The following DYM variants were observed in gnomAD, a reference collection of about 807,000 sequenced individuals.
DYM encodes dyggve-Melchior-Clausen syndrome protein.
DYM carries 78 observed loss-of-function variants against 93.1 expected under a neutral mutation model. The observed-to-expected ratio is 0.84, with a 90% confidence interval of 0.70 to 1.01. DYM has a LOEUF of 1.01. Ranked by LOEUF, DYM falls within the 50% of genes least tolerant of loss-of-function variation. The pLI is 0.00. For synonymous variants in DYM, 321 were observed against 319.7 expected, an observed-to-expected ratio of 1.00 and a Z score of -0.04; for missense variants, 789 against 845.0, an observed-to-expected ratio of 0.93 and a Z score of 0.82.
intron 1 of DYM, among the ~76,000 whole-genome samples, chr18:49,435,861 A>G (rs1166895309): frequency 6.6e-6 from 1 of 152,182 alleles, no homozygotes; most frequent in Non-Finnish European, 1.5e-5. Context: ...TCAGACTAAT[A>G]GGTACTTTCT....
At chr18:49,195,624 C>A (rs1324339698) in intron 14 of DYM, among the ~76,000 whole-genome samples, 1 of 152,148 alleles carries the variant, frequency 6.6e-6, no homozygotes, top group Non-Finnish European at 1.5e-5. Context: ...AAGCACCCTA[C>A]CCACTCAACA....
At chr18:49,357,097 T>C (rs976373129) in intron 6 of DYM, among the ~76,000 whole-genome samples, 1 of 152,220 alleles carries the variant, frequency 6.6e-6, no homozygotes, top group African/African-American at 2.4e-5. Flanking sequence ...ACATTATTCA[T>C]ACCTAAGAAG....
intron 14 of DYM, among the ~76,000 whole-genome samples, chr18:49,180,091 T>C (rs538551564): frequency 4.1e-4 from 63 of 152,264 alleles, no homozygotes; most frequent in Middle Eastern, 6.8e-3. Flanking sequence ...TCTAGTCTGA[T>C]AACAATGCTA....
chr18:49,059,153 G>A (rs1234588322), intron 17 of DYM, among the ~76,000 whole-genome samples: 1 of 152,176 alleles, frequency 6.6e-6, no homozygotes, highest in Non-Finnish European at 1.5e-5. Flanking sequence ...AGGATTATTA[G>A]TGTCCTTATA....
At chr18:49,291,509 C>G (rs1175474007) in intron 8 of DYM, among the ~76,000 whole-genome samples, 1 of 152,118 alleles carries the variant, frequency 6.6e-6, no homozygotes, top group Non-Finnish European at 1.5e-5. Context: ...GTCCCCATCC[C>G]TAAATTTCGA....
intron 2 of DYM, among the ~76,000 whole-genome samples, chr18:49,392,386 A>C (rs1327668902): frequency 2.6e-5 from 4 of 152,208 alleles, no homozygotes; most frequent in East Asian, 1.9e-4. Flanking sequence ...GGATCAAAGG[A>C]TACTATCTAC....
At chr18:49,154,862 TC>T (rs1250295472) in intron 15 of DYM, among the ~76,000 whole-genome samples, 6 of 152,196 alleles carry the variant, frequency 3.9e-5, no homozygotes, top group African/African-American at 1.4e-4. Flanking sequence ...TCAGTCTGAC[TC>T]CCCAGAAGTA....
chr18:49,257,403 T>A (rs1037495290), intron 12 of DYM, among the ~76,000 whole-genome samples: 7 of 152,202 alleles, frequency 4.6e-5, no homozygotes, highest in African/African-American at 1.7e-4. Context: ...AAGGCCCTAA[T>A]GGTTACACAT....
intron 17 of DYM, among the ~76,000 whole-genome samples, chr18:49,050,635 A>AT (rs2072306696): frequency 6.6e-6 from 1 of 152,012 alleles, no homozygotes; most frequent in African/African-American, 2.4e-5. Flanking sequence ...TGAAGTTCAC[A>AT]GACAGCCCAG....
chr18:49,261,883 T>C (rs2094496095), intron 11 of DYM, among the ~76,000 whole-genome samples: 1 of 152,136 alleles, frequency 6.6e-6, no homozygotes. Flanking sequence ...CCATTTCAAT[T>C]ACTTTATCTG....
At chr18:49,443,569 G>A (rs80166372) in intron 1 of DYM, among the ~76,000 whole-genome samples, 12,184 of 152,186 alleles carry the variant, frequency 0.08, 613 homozygotes, top group East Asian at 0.18. Context: ...AAAGCATCAC[G>A]AAGCTGTGCC....
chr18:49,114,998 C>G (rs2081794052), intron 16 of DYM, among the ~76,000 whole-genome samples: 1 of 152,160 alleles, frequency 6.6e-6, no homozygotes, highest in Non-Finnish European at 1.5e-5. Flanking sequence ...AAACAAAGGC[C>G]TTATCATCAA....
intron 14 of DYM, among the ~76,000 whole-genome samples, chr18:49,187,457 C>A (rs2090558338): frequency 6.6e-6 from 1 of 152,128 alleles, no homozygotes; most frequent in South Asian, 2.1e-4. Context: ...GTATAATGAG[C>A]TAAGGCATTA....
At chr18:49,321,118 CA>C (rs1331602893) in intron 8 of DYM, 1 of 346,734 alleles carries the variant, frequency 2.9e-6, no homozygotes, top group Non-Finnish European at 5.1e-6. Flanking sequence ...TTTATAGTCT[CA>C]AAAAATAGAA....
chr18:49,324,370 A>C (rs1464073419), intron 8 of DYM, among the ~76,000 whole-genome samples: 1 of 152,226 alleles, frequency 6.6e-6, no homozygotes, highest in Non-Finnish European at 1.5e-5. Flanking sequence ...TTTTATAAAC[A>C]AACTGTCAAG....
intron 3 of DYM, among the ~76,000 whole-genome samples, chr18:49,388,759 T>G (rs1206574337): frequency 6.6e-6 from 1 of 151,840 alleles, no homozygotes; most frequent in Non-Finnish European, 1.5e-5. Context: ...AACAATAAGG[T>G]TGACTGCTTT....
At chr18:49,400,611 T>C (rs2070703476) in intron 2 of DYM, among the ~76,000 whole-genome samples, 1 of 152,220 alleles carries the variant, frequency 6.6e-6, no homozygotes, top group Non-Finnish European at 1.5e-5. Context: ...CTCTGTTTGT[T>C]GCAGGATGCC....
At chr18:49,211,507 G>A (rs1289395656) in intron 13 of DYM, among the ~76,000 whole-genome samples, 1 of 152,194 alleles carries the variant, frequency 6.6e-6, no homozygotes, top group African/African-American at 2.4e-5. Context: ...TACCAAGAGG[G>A]TGATAGGTAA....
chr18:49,179,710 G>A (rs1044805084), intron 14 of DYM, among the ~76,000 whole-genome samples: 1 of 152,088 alleles, frequency 6.6e-6, no homozygotes, highest in Admixed American at 6.6e-5. Context: ...GAAGGGAGCT[G>A]AGGGAAAGTA....
Sources: allele counts gnomAD v4.1 joint callset (sites outside exome capture counted in the v4.1 genomes callset), GRCh38; gene constraint gnomAD v4.1.1; transcripts MANE v1.5; gene names NCBI Gene and HGNC (gene_info 2026-07-23, HGNC 2026-07-21).